The following APLN variants were observed in gnomAD, a reference collection of about 807,000 sequenced individuals.
The protein encoded by APLN is apelin.
In APLN, 2 loss-of-function variants were observed where a neutral mutation model predicts 4.3. The observed-to-expected ratio is 0.46, with a 90% CI of 0.19 to 1.45. The LOEUF (loss-of-function observed/expected upper bound fraction) is 1.45. Among genes scored for constraint, APLN ranks in the 40% most tolerant of loss-of-function variants. APLN has a pLI of 0.25. For synonymous variants in APLN, 34 were observed against 30.4 expected, an observed-to-expected ratio of 1.12 and a Z score of -0.38; for missense variants, 80 against 70.0, an observed-to-expected ratio of 1.14 and a Z score of -0.51.
intron 1 of APLN, among the ~76,000 whole-genome samples, chrX:129,651,017 T>G (rs1312136062): frequency 3.6e-5 from 4 of 111,252 alleles, no homozygotes; most frequent in African/African-American, 1.3e-4. Flanking sequence ...GTGGCAGACA[T>G]GGAGAAGAGA....
rs780073255 is a variant in APLN at position 129,647,818 on chromosome X, C to A, written c.*105G>T. ...GGCCCACTGGTGGCTACAGCAGGTG[C>A]GAGGTGAGAGCTGAATGGACGTGAG... On this transcript the variant is annotated 3_prime_UTR_variant, in exon 3 of 3. Coordinates refer to ENST00000429967, the MANE Select transcript of APLN (RefSeq NM_017413.5). 1.0e-6 allele frequency: 1 copy of A among 980,948 alleles called. No homozygotes were observed. Among genetic ancestry groups the A allele is most frequent in the Admixed American group, 3.0e-5 (1 of 32,841 alleles). The allele number at this position is 980,948 out of a possible 1,213,427, so 80.8% of individuals were successfully genotyped here.
chrX:129,649,055 G>C (rs1936961046), intron 1 of APLN, among the ~76,000 whole-genome samples: 2 of 112,024 alleles, frequency 1.8e-5, no homozygotes, highest in African/African-American at 6.5e-5. Context: ...ACAGGCACAA[G>C]TGGGTTCTTT....
chrX:129,648,829 G>A, intron 1 of APLN, 37 bp from the exon 2 acceptor site: 1 of 1,126,077 alleles, frequency 8.9e-7, no homozygotes. Context: ...GAGGAAGGTT[G>A]TTGGAAACGG....
Position 129,648,772 on chromosome X carries a change from C to T in APLN, c.88G>A (p.Asp30Asn), listed in dbSNP as rs372904602. ...VCGGSLMPLP[D>N]GNGLEDGNVR... ...TTGCCGTCTTCCAGCCCATTCCCAT[C>T]GGGAAGCGGCATCAGGGACCCTGCA... The change falls in exon 2 of 3, where the codon GAT (aspartate) becomes AAT (asparagine). Residue 30 changes from aspartate (D) to asparagine (N), a missense_variant. Transcript: ENST00000429967. The T allele has an allele frequency of 2.6e-6, 3 of 1,169,459 alleles. No individual in the cohort carries two copies. Among genetic ancestry groups the T allele is most frequent in the East Asian group, 3.2e-5 (1 of 31,336 alleles).
chrX:129,652,207 C>T (rs1936982917), intron 1 of APLN, among the ~76,000 whole-genome samples: 1 of 111,531 alleles, frequency 9.0e-6, no homozygotes, highest in Non-Finnish European at 1.9e-5. Context: ...GACCGAGGGA[C>T]ACTTGGCCCT....
In APLN at chrX:129,647,191, C is replaced by T. The variant is rs969784514; in HGVS notation, c.*732G>A. On this transcript the variant is annotated 3_prime_UTR_variant, in exon 3 of 3. Transcript: ENST00000429967. ...ATATAGCCATGTCAGGCCCAGCACCCTCCCCTCCTGACCTGGAGCTTGGGC... is the reference window on the plus strand; with the variant it reads ...ATATAGCCATGTCAGGCCCAGCACCTTCCCCTCCTGACCTGGAGCTTGGGC... The T allele has an allele frequency of 2.8e-5, 4 of 142,981 alleles. No individual in the cohort carries two copies. Among genetic ancestry groups the T allele is most frequent in the African/African-American group, 1.2e-4 (4 of 32,947 alleles). The allele number at this position is 142,981 out of a possible 1,213,427, so 11.8% of individuals were successfully genotyped here.
rs1284327266 is a variant in APLN, at chrX:129,647,821, G to A, written c.*102C>T. ...CCACTGGTGGCTACAGCAGGTGCGA[G>A]GTGAGAGCTGAATGGACGTGAGGCC... On this transcript the variant is annotated 3_prime_UTR_variant, in exon 3 of 3. Transcript: ENST00000429967. 29 of 981,230 alleles carry A rather than the reference G, an allele frequency of 3.0e-5. No individual in the cohort carries two copies. Among genetic ancestry groups the A allele is most frequent in the Non-Finnish European group, 3.6e-5 (27 of 755,816 alleles). The allele number at this position is 981,230 out of a possible 1,213,427, so 80.9% of individuals were successfully genotyped here. A position where few individuals can be genotyped will look rare whatever the true frequency, so the allele number is the denominator to read the frequency against.
intron 1 of APLN, among the ~76,000 whole-genome samples, chrX:129,653,840 G>T (rs1278481292): frequency 1.8e-5 from 2 of 111,750 alleles, no homozygotes; most frequent in Non-Finnish European, 3.8e-5. Context: ...GGATGTAAGA[G>T]AACCAAGTCT....
intron 1 of APLN, among the ~76,000 whole-genome samples, chrX:129,650,159 C>T (rs1936970179): frequency 9.0e-6 from 1 of 111,008 alleles, no homozygotes; most frequent in African/African-American, 3.3e-5. Context: ...AGCCCCATTG[C>T]CATCTACCCA....
intron 1 of APLN, 66 bp downstream of exon 1, chrX:129,654,498 C>T: frequency 9.4e-7 from 1 of 1,066,598 alleles, no homozygotes; most frequent in Non-Finnish European, 1.2e-6. Context: ...GGGGAGAGTG[C>T]GAATAGGGCG....
intron 2 of APLN, 150 bp downstream of exon 2, chrX:129,648,471 C>G (rs1936954965): frequency 1.5e-6 from 1 of 668,030 alleles, no homozygotes; most frequent in Non-Finnish European, 2.2e-6. Flanking sequence ...GCCCCATAAG[C>G]TCTCTTGCCA....
rs781690776 is a variant in APLN, at chrX:129,650,237, C to G, written c.68-1445G>C. Among the ~76,000 whole-genome samples the G allele has an allele frequency of 4.7e-4, 52 of 110,939 alleles. 1 individual carries two copies. Among genetic ancestry groups the G allele is most frequent in the African/African-American group, 1.5e-3 (47 of 30,510 alleles). On this transcript the variant is annotated intron_variant, in intron 1 of 2. Coordinates refer to ENST00000429967, the MANE Select transcript of APLN (RefSeq NM_017413.5). ...TTGGCTGCTCACACCCCAATCATACCCCTGGCAGCTCCCCCTTCCCCTCTG... is the reference window on the plus strand; with the variant it reads ...TTGGCTGCTCACACCCCAATCATACGCCTGGCAGCTCCCCCTTCCCCTCTG...
intron 1 of APLN, among the ~76,000 whole-genome samples, chrX:129,650,188 TCA>T (rs1448728058): frequency 9.0e-6 from 1 of 110,564 alleles, no homozygotes; most frequent in Non-Finnish European, 1.9e-5. Flanking sequence ...CACCACTTGC[TCA>T]CAGTTTCCAT....
At chrX:129,650,285 G>A (rs1380783289) in intron 1 of APLN, among the ~76,000 whole-genome samples, 1 of 110,026 alleles carries the variant, frequency 9.1e-6, no homozygotes, top group Non-Finnish European at 1.9e-5. Flanking sequence ...ACATCCCCAC[G>A]CTCTGTTCCT....
chrX:129,650,506 C>T (rs1406696549), intron 1 of APLN, among the ~76,000 whole-genome samples: 1 of 111,759 alleles, frequency 8.9e-6, no homozygotes, highest in Non-Finnish European at 1.9e-5. Context: ...CCTGCACCCT[C>T]CTTCCCTCTT....
intron 2 of APLN, 127 bp from the exon 3 acceptor site, chrX:129,648,044 A>C: frequency 3.7e-5 from 32 of 864,492 alleles, no homozygotes; most frequent in Non-Finnish European, 4.3e-5. Context: ...CCCAAACCTC[A>C]ATCCCAAGGC....
In APLN at chrX:129,647,871, G is replaced by A; in HGVS notation, c.*52C>T. 1 of 983,387 alleles carries A rather than the reference G, an allele frequency of 1.0e-6. No homozygotes were observed. Among genetic ancestry groups the A allele is most frequent in the Non-Finnish European group, 1.3e-6 (1 of 756,191 alleles). 81.0% of individuals were successfully genotyped at this position (983,387 alleles called of 1,213,427 possible). A position where few individuals can be genotyped will look rare whatever the true frequency, so the allele number is the denominator to read the frequency against. ...CTCCAGAGAAGCAGACCAATCTATG[G>A]AGGAGACATAACCGCCGGGGGTGGG... On this transcript the variant is annotated 3_prime_UTR_variant, in exon 3 of 3. Transcript: ENST00000429967.
rs1236020440 is a variant in APLN, at chrX:129,647,489, T to A, written c.*434A>T. On this transcript the variant is annotated 3_prime_UTR_variant, in exon 3 of 3. Transcript: ENST00000429967. ...TCTTCCCTGGAGGCCAGGTGAGGGGTCCAACTGACAGGAAAACAAGGGATC... is the reference window on the plus strand; with the variant it reads ...TCTTCCCTGGAGGCCAGGTGAGGGGACCAACTGACAGGAAAACAAGGGATC... 2 of 553,665 alleles carry A rather than the reference T, an allele frequency of 3.6e-6. No homozygotes were observed. Among genetic ancestry groups the A allele is most frequent in the African/African-American group, 4.9e-5 (2 of 40,413 alleles). 45.6% of individuals were successfully genotyped at this position (553,665 alleles called of 1,213,427 possible). A position where few individuals can be genotyped will look rare whatever the true frequency, so the allele number is the denominator to read the frequency against.
At chrX:129,654,268 G>A (rs1292483577) in intron 1 of APLN, among the ~76,000 whole-genome samples, 1 of 113,540 alleles carries the variant, frequency 8.8e-6, no homozygotes, top group Non-Finnish European at 1.9e-5. Flanking sequence ...CGTGGGACAC[G>A]CGGCGCACAC....
Sources: allele counts gnomAD v4.1 joint callset (sites outside exome capture counted in the v4.1 genomes callset), GRCh38; gene constraint gnomAD v4.1.1; transcripts MANE v1.5; gene names NCBI Gene and HGNC (gene_info 2026-07-23, HGNC 2026-07-21).